KLHL24: variants seen among roughly 807,000 people sequenced by gnomAD.
KLHL24 encodes the protein kelch-like protein 24.
A neutral mutation model predicts 53.4 loss-of-function variants in KLHL24; 29 were observed. The ratio of observed to expected loss-of-function variants is 0.54; its 90% CI spans 0.40 to 0.74. The LOEUF is 0.74. Ranked by LOEUF, KLHL24 falls within the 30% of genes least tolerant of loss-of-function variation. The probability of loss-of-function intolerance (pLI) is 0.00; values close to 1 mark genes in which losing one functional copy is unlikely to be tolerated. For synonymous variants in KLHL24, 222 were observed against 253.7 expected, an observed-to-expected ratio of 0.88 and a Z score of 1.19; for missense variants, 504 against 744.0, an observed-to-expected ratio of 0.68 and a Z score of 3.75.
chr3:183,641,729 A>G (rs1178296335), intron 1 of KLHL24, among the ~76,000 whole-genome samples: 1 of 152,066 alleles, frequency 6.6e-6, no homozygotes, highest in Non-Finnish European at 1.5e-5. Context: ...ATTAGTTTTT[A>G]GAAGCCCCTC....
intron 1 of KLHL24, among the ~76,000 whole-genome samples, chr3:183,641,917 G>C (rs558381223): frequency 6.6e-6 from 1 of 152,200 alleles, no homozygotes; most frequent in Non-Finnish European, 1.5e-5. Context: ...GATTAGGTTG[G>C]TATTACCTAA....
chr3:183,654,714 CT>C (rs1176035043), intron 3 of KLHL24, among the ~76,000 whole-genome samples: 1 of 152,144 alleles, frequency 6.6e-6, no homozygotes, highest in Non-Finnish European at 1.5e-5. Flanking sequence ...TGTGAAATCT[CT>C]TTTACTTCAA....
rs1012483680 is a variant in KLHL24 at position 183,646,200 on chromosome 3, A to G, written c.-62+2658A>G. 2.6e-5 allele frequency among the ~76,000 whole-genome samples: 4 copies of G among 151,802 alleles called. No homozygotes were observed. In the South Asian group the frequency reaches 8.3e-4, roughly 31 times the overall value. On this transcript the variant is annotated intron_variant, in intron 2 of 7. Transcript: ENST00000242810. Reference sequence around the variant, plus strand: ...AACATGGTGAAACCCCGTCTCTTCCAAAAGTACAAAAATTAGCCCGGCATG... The same window carrying G: ...AACATGGTGAAACCCCGTCTCTTCCGAAAGTACAAAAATTAGCCCGGCATG...
At chr3:183,653,151 C>T (rs1718363780) in intron 3 of KLHL24, among the ~76,000 whole-genome samples, 1 of 152,200 alleles carries the variant, frequency 6.6e-6, no homozygotes, top group Non-Finnish European at 1.5e-5. Context: ...ATTGCAGTAT[C>T]ACCGTTCTTT....
At chr3:183,670,427 T>C (rs2108871355) in intron 5 of KLHL24, among the ~76,000 whole-genome samples, 1 of 152,346 alleles carries the variant, frequency 6.6e-6, no homozygotes, top group Admixed American at 6.5e-5. Context: ...TAATTTGCCC[T>C]ACCTTTCTCT....
chr3:183,661,004 G>C (rs1487691750), intron 3 of KLHL24, among the ~76,000 whole-genome samples: 3 of 88,802 alleles, frequency 3.4e-5, no homozygotes, highest in African/African-American at 1.8e-4. Context: ...GGCGGAGCTT[G>C]CAGTGAGCCG....
chr3:183,641,520 T>C (rs1716442936), intron 1 of KLHL24, among the ~76,000 whole-genome samples: 1 of 152,006 alleles, frequency 6.6e-6, no homozygotes, highest in African/African-American at 2.4e-5. Context: ...AATTATTTTC[T>C]GACTTTCTTT....
rs1712589196 is a variant in KLHL24 at position 183,680,699 on chromosome 3, A to G, written c.*1413A>G. ...AATGTGAATTTTTTTTCTAATGCAA[A>G]TAAATGGATATGGCAGGAACTACAG... On this transcript the variant is annotated 3_prime_UTR_variant, in exon 8 of 8. Transcript: ENST00000242810. 1 of 152,156 alleles carries G rather than the reference A, an allele frequency of 6.6e-6. No homozygotes were observed. The allele number at this position is 152,156 out of a possible 1,614,324, so 9.4% of individuals were successfully genotyped here. A position where few individuals can be genotyped will look rare whatever the true frequency, so the allele number is the denominator to read the frequency against.
intron 3 of KLHL24, among the ~76,000 whole-genome samples, chr3:183,656,977 T>C (rs1213565905): frequency 6.6e-6 from 1 of 152,102 alleles, no homozygotes; most frequent in Admixed American, 6.5e-5. Flanking sequence ...CTAATTTCCA[T>C]TTCTTGCCCC....
chr3:183,664,973 T>A lies in KLHL24; in HGVS notation c.1158T>A (p.Ile386=), dbSNP rs151271724. The change falls in exon 5 of 8, where the codon ATT becomes ATA. Residue 386 remains isoleucine (I), a synonymous_variant. Coordinates refer to ENST00000242810, the MANE Select transcript of KLHL24 (RefSeq NM_017644.3). ...GGATTTATAACTCACAGTTAAATAT[T>A]TGGATCAGAGTTGCCTCTCTCAATA... ...DVWIYNSQLN[I]WIRVASLNKG... 17 of 1,612,856 alleles carry A rather than the reference T, an allele frequency of 1.1e-5. No individual in the cohort carries two copies. The African/African-American group carries it at 2.0e-4, about 19-fold the overall frequency.
chr3:183,670,493 T>A (rs923808741), intron 5 of KLHL24, among the ~76,000 whole-genome samples: 2 of 152,240 alleles, frequency 1.3e-5, no homozygotes, highest in Non-Finnish European at 1.5e-5. Context: ...GTTCATTTTG[T>A]GTCAAGTACT....
At chr3:183,671,720 G>A (rs957813721) in intron 6 of KLHL24, among the ~76,000 whole-genome samples, 1 of 152,164 alleles carries the variant, frequency 6.6e-6, no homozygotes, top group Non-Finnish European at 1.5e-5. Flanking sequence ...AAGAATATGT[G>A]CTATCCTGAC....
Position 183,644,034 on chromosome 3 carries a change from C to CTTTTTTTTTTTTTTTTTT in KLHL24, c.-62+500_-62+517dup, listed in dbSNP as rs397955282. On this transcript the variant is annotated intron_variant, in intron 2 of 7. Coordinates refer to ENST00000242810, the MANE Select transcript of KLHL24 (RefSeq NM_017644.3). ...GATGATAGGATAACATTTTTCTTTC[C>CTTTTTTTTTTTTTTTTTT]TTTTTTTTTTTTTTTTTTTTTTTTT... 9.2e-5 allele frequency: 7 copies of CTTTTTTTTTTTTTTTTTT among 76,108 alleles called. 2 individuals are homozygous for CTTTTTTTTTTTTTTTTTT. The highest frequency in any genetic ancestry group is 4.2e-4 in the African/African-American group (7 of 16,514). The allele number at this position is 76,108 out of a possible 1,614,324, so 4.7% of individuals were successfully genotyped here. A position where few individuals can be genotyped will look rare whatever the true frequency, so the allele number is the denominator to read the frequency against.
chr3:183,645,925 G>A (rs1187802573), intron 2 of KLHL24, among the ~76,000 whole-genome samples: 1 of 152,032 alleles, frequency 6.6e-6, no homozygotes, highest in African/African-American at 2.4e-5. Flanking sequence ...TTTTATATGT[G>A]TTCATTTAAA....
intron 7 of KLHL24, among the ~76,000 whole-genome samples, chr3:183,676,694 T>G (rs1367318383): frequency 6.6e-6 from 1 of 152,174 alleles, no homozygotes; most frequent in Non-Finnish European, 1.5e-5. Flanking sequence ...ATTCAAAACA[T>G]ATTTTGCTTT....
At chr3:183,669,831 G>A (rs1721093508) in intron 5 of KLHL24, among the ~76,000 whole-genome samples, 1 of 152,164 alleles carries the variant, frequency 6.6e-6, no homozygotes, top group Non-Finnish European at 1.5e-5. Flanking sequence ...CCTCAAGTGG[G>A]TGATGGCAGC....
intron 1 of KLHL24, among the ~76,000 whole-genome samples, chr3:183,640,682 C>T (rs892518579): frequency 6.6e-6 from 1 of 151,240 alleles, no homozygotes; most frequent in African/African-American, 2.4e-5. Context: ...TCACTGCAAC[C>T]TCCGCCTCCT....
chr3:183,683,696 T>C lies in KLHL24; in HGVS notation c.*4410T>C, dbSNP rs1262957896. The C allele has an allele frequency of 6.6e-6, 1 of 152,648 alleles. No individual in the cohort carries two copies. The highest frequency in any genetic ancestry group is 1.5e-5 in the Non-Finnish European group (1 of 68,038). 9.5% of individuals were successfully genotyped at this position (152,648 alleles called of 1,614,324 possible). A position where few individuals can be genotyped will look rare whatever the true frequency, so the allele number is the denominator to read the frequency against. The stretch of plus-strand genomic sequence containing the variant: ...AAAAACAGCAACATTCATAACTTAT[T>C]TTATATATTGTTCCAAAGAAAAGAA... On this transcript the variant is annotated 3_prime_UTR_variant, in exon 8 of 8. Transcript: ENST00000242810.
intron 1 of KLHL24, among the ~76,000 whole-genome samples, chr3:183,636,941 G>A (rs912684327): frequency 6.6e-6 from 1 of 152,178 alleles, no homozygotes; most frequent in South Asian, 2.1e-4. Flanking sequence ...GGCTACCGTG[G>A]CCTGCCCTCC....
Sources: gnomAD v4.1 joint callset for allele counts (sites outside exome capture counted in the v4.1 genomes callset) on GRCh38, gnomAD v4.1.1 for gene constraint, MANE v1.5 for transcripts, NCBI Gene and HGNC (gene_info 2026-07-23, HGNC 2026-07-21) for gene names.